The following PCDHA12 variants were observed in gnomAD, a reference collection of about 807,000 sequenced individuals.
PCDHA12 encodes the protein protocadherin alpha-12.
Under a neutral mutation model 60.0 loss-of-function variants are expected in PCDHA12, and 44 were observed. The observed-to-expected ratio is 0.73, with a 90% confidence interval of 0.58 to 0.94. PCDHA12 has a LOEUF of 0.94. Among genes scored for constraint, PCDHA12 ranks in the 40% least tolerant of loss-of-function variants. The pLI, the probability that PCDHA12 is intolerant of heterozygous loss-of-function variation, is 0.00. For missense variants in PCDHA12, 1,276 were observed against 1,239.7 expected (o/e 1.03, Z -0.44); for synonymous variants, 569 against 553.0 (o/e 1.03, Z -0.40).
At position 141,003,456 on chromosome 5, in the gene PCDHA12, C is replaced by T. The variant is rs187279966; in HGVS notation, c.2516-6171C>T. Among the ~76,000 whole-genome samples the T allele has an allele frequency of 1.2e-3, 188 of 152,136 alleles. 1 individual carries two copies. The highest frequency in any genetic ancestry group is 4.1e-3 in the African/African-American group (172 of 41,508). On this transcript the variant is annotated intron_variant, in intron 3 of 3. Transcript: ENST00000398631. ...CCTCCCAAGTAGATGAAATTACAGGCGTGCACCACCACAGTCTCGCTAATT... is the reference window on the plus strand; with the variant it reads ...CCTCCCAAGTAGATGAAATTACAGGTGTGCACCACCACAGTCTCGCTAATT...
intron 3 of PCDHA12, among the ~76,000 whole-genome samples, chr5:141,001,849 T>G (rs889682000): frequency 6.6e-6 from 1 of 151,820 alleles, no homozygotes; most frequent in Non-Finnish European, 1.5e-5. Context: ...GAGAGAGAGG[T>G]TGATTAAATT....
intron 1 of PCDHA12, among the ~76,000 whole-genome samples, chr5:140,897,061 T>C (rs1554187169): frequency 6.6e-6 from 1 of 152,134 alleles, no homozygotes; most frequent in Admixed American, 6.6e-5. Context: ...TCAAATACTA[T>C]GTCTTATTCA....
At position 140,903,816 on chromosome 5, in the gene PCDHA12, C is replaced by T. The variant is rs963125816; in HGVS notation, c.2367+25977C>T. On this transcript the variant is annotated intron_variant, in intron 1 of 3. Coordinates refer to ENST00000398631, the MANE Select transcript of PCDHA12 (RefSeq NM_018903.4). ...TTGTAATTGACAAGTATAGTTCTCACATGAATGTCTGTTGGTATTTTCATT... is the reference window on the plus strand; with the variant it reads ...TTGTAATTGACAAGTATAGTTCTCATATGAATGTCTGTTGGTATTTTCATT... Among the ~76,000 whole-genome samples, 7 of 152,190 alleles carry T rather than the reference C, an allele frequency of 4.6e-5. 1 individual carries two copies. The highest frequency in any genetic ancestry group is 2.6e-4 in the Admixed American group (4 of 15,282).
At chr5:140,921,244 A>G (rs1167584267) in intron 1 of PCDHA12, among the ~76,000 whole-genome samples, 1 of 152,180 alleles carries the variant, frequency 6.6e-6, no homozygotes, top group African/African-American at 2.4e-5. Flanking sequence ...TAAGCCACAG[A>G]TCAAAAAGTC....
intron 1 of PCDHA12, among the ~76,000 whole-genome samples, chr5:140,878,476 A>T (rs1037108551): frequency 3.2e-4 from 49 of 152,322 alleles, no homozygotes; most frequent in African/African-American, 1.1e-3. Flanking sequence ...TCATTTCTCA[A>T]TTTAAAAATA....
chr5:140,922,176 CAA>C lies in PCDHA12; in HGVS notation c.2367+44345_2367+44346del, dbSNP rs3836750. ...CAAAAACAACAAAAAGTACAGCAGACAAAAAAAAAGTCTTATCTTTAATGAAA... is the reference window on the plus strand; with the variant it reads ...CAAAAACAACAAAAAGTACAGCAGACAAAAAAAGTCTTATCTTTAATGAAA... On this transcript the variant is annotated intron_variant, in intron 1 of 3. Coordinates refer to ENST00000398631, the MANE Select transcript of PCDHA12 (RefSeq NM_018903.4). 2.6e-3 allele frequency among the ~76,000 whole-genome samples: 394 copies of C among 150,816 alleles called. 1 individual carries two copies. The highest frequency in any genetic ancestry group is 9.1e-3 in the African/African-American group (376 of 41,132).
intron 1 of PCDHA12, among the ~76,000 whole-genome samples, chr5:140,947,744 TG>T (rs1227312993): frequency 6.6e-6 from 1 of 151,630 alleles, no homozygotes; most frequent in Non-Finnish European, 1.5e-5. Flanking sequence ...CCTATTCTTA[TG>T]TATTTTATGG....
chr5:140,969,536 C>A, intron 1 of PCDHA12: 1 of 1,332,634 alleles, frequency 7.5e-7, no homozygotes, highest in South Asian at 1.6e-5. Flanking sequence ...TTTTCATTTT[C>A]AGAGGCATGA....
chr5:140,876,118 G>T lies in PCDHA12; in HGVS notation c.646G>T (p.Asp216Tyr). The change falls in exon 1 of 4, where the codon GAT becomes TAT. Residue 216 changes from aspartate (D) to tyrosine (Y), a missense_variant. Coordinates refer to ENST00000398631, the MANE Select transcript of PCDHA12 (RefSeq NM_018903.4). ...PKLNLLLMVIDGGKPELTGSV... is the reference protein window; with the variant it reads ...PKLNLLLMVIYGGKPELTGSV... ...ACTCAATTTATTGCTGATGGTAATC[G>T]ATGGCGGTAAACCAGAACTAACAGG... 1 of 1,613,926 alleles carries T rather than the reference G, an allele frequency of 6.2e-7. No individual in the cohort carries two copies. The highest frequency in any genetic ancestry group is 1.1e-5 in the South Asian group (1 of 91,090).
Position 140,927,496 on chromosome 5 carries a change from G to C in PCDHA12, c.2367+49657G>C, listed in dbSNP as rs1206944698. On this transcript the variant is annotated intron_variant, in intron 1 of 3. Transcript: ENST00000398631. ...CGAACAGCGCGCCACCCACCTGCTG[G>C]TGCTTACAGCTCGGGACGGCGGGCT... The C allele has an allele frequency of 3.7e-6, 6 of 1,614,026 alleles. No homozygotes were observed. The highest frequency in any genetic ancestry group is 5.1e-6 in the Non-Finnish European group (6 of 1,180,054).
intron 1 of PCDHA12, among the ~76,000 whole-genome samples, chr5:140,925,210 C>T (rs1319343041): frequency 2.0e-5 from 3 of 152,122 alleles, no homozygotes; most frequent in African/African-American, 7.2e-5. Context: ...ATTATCGATA[C>T]TTTTAGGCAG....
At chr5:140,997,615 T>C (rs900460811) in intron 3 of PCDHA12, among the ~76,000 whole-genome samples, 5 of 152,096 alleles carry the variant, frequency 3.3e-5, no homozygotes, top group Non-Finnish European at 7.3e-5. Context: ...CATGACTATA[T>C]AGAGATTTTC....
chr5:140,964,847 C>T (rs2095858231), intron 1 of PCDHA12, among the ~76,000 whole-genome samples: 1 of 152,124 alleles, frequency 6.6e-6, no homozygotes, highest in African/African-American at 2.4e-5. Flanking sequence ...ACTCTGTACC[C>T]TTGAGGAAAC....
At chr5:140,955,460 C>G (rs1051253944) in intron 1 of PCDHA12, among the ~76,000 whole-genome samples, 2 of 152,000 alleles carry the variant, frequency 1.3e-5, no homozygotes, top group Non-Finnish European at 2.9e-5. Flanking sequence ...GGGCTTTTTC[C>G]TTTTTGCTTG....
chr5:140,909,411 CATTTGG>C (rs2074480921), intron 1 of PCDHA12, among the ~76,000 whole-genome samples: 2 of 152,142 alleles, frequency 1.3e-5, no homozygotes, highest in African/African-American at 4.8e-5. Flanking sequence ...TTGCAGTTAC[CATTTGG>C]TTAAACTTAT....
chr5:140,882,245 G>A, intron 1 of PCDHA12: 1 of 1,592,614 alleles, frequency 6.3e-7, no homozygotes, highest in Non-Finnish European at 8.6e-7. Context: ...ATTGCAGATA[G>A]CTCTGAGGTT....
At chr5:140,921,022 T>C (rs990627966) in intron 1 of PCDHA12, among the ~76,000 whole-genome samples, 6 of 152,094 alleles carry the variant, frequency 3.9e-5, no homozygotes, top group Admixed American at 6.6e-5. Context: ...CTATGTTTTC[T>C]AGACTGGGGT....
intron 3 of PCDHA12, among the ~76,000 whole-genome samples, chr5:140,991,118 A>T (rs2153893669): frequency 6.6e-6 from 1 of 152,340 alleles, no homozygotes; most frequent in South Asian, 2.1e-4. Context: ...GCTTTCTTAC[A>T]TTCACACAGC....
rs367885958 is a variant in PCDHA12, at chr5:140,884,427, C to G, written c.2367+6588C>G. The G allele has an allele frequency of 2.5e-5, 40 of 1,613,840 alleles. No individual in the cohort carries two copies. The African/African-American group carries it at 5.1e-4, about 20-fold the overall frequency. ...GTGCTCACGTTGCTGCTGTATACTG[C>G]GCTGCGGTGCTCGGCACCGCCCACC... is the stretch of plus-strand genomic sequence containing the variant. On this transcript the variant is annotated intron_variant, in intron 1 of 3. Coordinates refer to ENST00000398631, the MANE Select transcript of PCDHA12 (RefSeq NM_018903.4).
Sources: gnomAD v4.1 joint callset for allele counts (sites outside exome capture counted in the v4.1 genomes callset) on GRCh38, gnomAD v4.1.1 for gene constraint, MANE v1.5 for transcripts, NCBI Gene and HGNC (gene_info 2026-07-23, HGNC 2026-07-21) for gene names.